Variants in TANGO6 observed in about 807,000 individuals in gnomAD.
The protein encoded by TANGO6 is transport and Golgi organization protein 6 homolog.
A neutral mutation model predicts 114.2 loss-of-function variants in TANGO6; 90 were observed. The ratio of observed to expected loss-of-function variants is 0.79; its 90% CI spans 0.66 to 0.94. TANGO6 has a LOEUF of 0.94. Ranked by LOEUF, TANGO6 falls within the 40% of genes least tolerant of loss-of-function variation. TANGO6 has a pLI of 0.00. For synonymous variants in TANGO6, 477 were observed against 509.8 expected (o/e 0.94, Z 0.87); for missense variants, 1,274 against 1,315.3 (o/e 0.97, Z 0.49).
intron 1 of TANGO6, among the ~76,000 whole-genome samples, chr16:68,856,911 C>A (rs1039235500): frequency 6.6e-6 from 1 of 152,118 alleles, no homozygotes; most frequent in African/African-American, 2.4e-5. Flanking sequence ...AGATCGAGAC[C>A]GTCCTGGCTA....
In TANGO6 at chr16:68,943,471, C is replaced by G. The variant is rs571117772; in HGVS notation, c.2701+13176C>G. ...CTCCGCCTCCTGGGTTCACACCATT[C>G]TCCTGCCTCAGCCTCCCGAGTAGCT... On this transcript the variant is annotated intron_variant, in intron 14 of 17. Coordinates refer to ENST00000261778, the MANE Select transcript of TANGO6 (RefSeq NM_024562.2). Among the ~76,000 whole-genome samples, 16 of 151,426 alleles carry G rather than the reference C, an allele frequency of 1.1e-4. 1 individual carries two copies. The South Asian group carries it at 3.3e-3, about 32-fold the overall frequency.
chr16:68,902,859 G>T (rs902808461), intron 9 of TANGO6, among the ~76,000 whole-genome samples: 15 of 152,176 alleles, frequency 9.9e-5, no homozygotes, highest in African/African-American at 3.6e-4. Flanking sequence ...TGGTATATGT[G>T]TGTGTTTATA....
intron 3 of TANGO6, among the ~76,000 whole-genome samples, chr16:68,864,670 A>G (rs1160385566): frequency 2.0e-5 from 3 of 152,174 alleles, no homozygotes; most frequent in African/African-American, 7.2e-5. Context: ...CTACAGAGAT[A>G]TCTCCTAATT....
At chr16:68,907,038 A>T (rs762225570) in intron 9 of TANGO6, among the ~76,000 whole-genome samples, 81 of 143,450 alleles carry the variant, frequency 5.6e-4, no homozygotes, top group Non-Finnish European at 9.5e-4. Flanking sequence ...CAGGTGATCC[A>T]CCCGCCTCGG....
rs28479606 is a variant in TANGO6 at position 68,913,479 on chromosome 16, G to A, written c.1992+4077G>A. On this transcript the variant is annotated intron_variant, in intron 11 of 17. Coordinates refer to ENST00000261778, the MANE Select transcript of TANGO6 (RefSeq NM_024562.2). ...GCTGGAGTGCAGCAGCGCAATCTCG[G>A]CTTACTGCAACCTCTGCCTCCCGGG... 4.0e-3 allele frequency among the ~76,000 whole-genome samples: 599 copies of A among 148,944 alleles called. 6 individuals are homozygous for A. Among genetic ancestry groups the A allele is most frequent in the African/African-American group, 0.014 (569 of 40,364 alleles).
rs952170937 is a variant in TANGO6, at chr16:68,906,409, G to A, written c.1668-1034G>A. 4.6e-5 allele frequency among the ~76,000 whole-genome samples: 7 copies of A among 152,256 alleles called. No individual in the cohort carries two copies. The East Asian group carries it at 1.4e-3, about 29-fold the overall frequency. On this transcript the variant is annotated intron_variant, in intron 9 of 17. Coordinates refer to ENST00000261778, the MANE Select transcript of TANGO6 (RefSeq NM_024562.2). ...CCCTTCAGTGGCTCATCAGAAAAAAGTCAAAGTTCCTTTGAATGACATCCA... is the reference window on the plus strand; with the variant it reads ...CCCTTCAGTGGCTCATCAGAAAAAAATCAAAGTTCCTTTGAATGACATCCA...
chr16:68,966,794 G>A (rs1216799679), intron 14 of TANGO6, among the ~76,000 whole-genome samples: 1 of 138,372 alleles, frequency 7.2e-6, no homozygotes, highest in Non-Finnish European at 1.5e-5. Context: ...TTTTTTTTGA[G>A]ACAGTCTCGC....
intron 14 of TANGO6, among the ~76,000 whole-genome samples, chr16:68,933,486 C>T (rs1374449587): frequency 2.0e-5 from 3 of 152,200 alleles, no homozygotes; most frequent in Admixed American, 6.5e-5. Flanking sequence ...TTATCACTCA[C>T]GCATCTGTAG....
chr16:69,056,997 C>CTTTT (rs71148961), intron 17 of TANGO6, among the ~76,000 whole-genome samples: 26 of 59,858 alleles, frequency 4.3e-4, no homozygotes, highest in South Asian at 7.3e-4. Flanking sequence ...GCCTGATTTT[C>CTTTT]TTTTTTTTTT....
chr16:68,873,421 G>A (rs1471582269), intron 4 of TANGO6, among the ~76,000 whole-genome samples: 4 of 152,006 alleles, frequency 2.6e-5, no homozygotes, highest in Non-Finnish European at 5.9e-5. Flanking sequence ...TCAAGCGATT[G>A]TCCTGCCTCA....
intron 17 of TANGO6, among the ~76,000 whole-genome samples, chr16:69,055,907 T>C (rs1331575000): frequency 1.3e-5 from 2 of 151,956 alleles, no homozygotes; most frequent in Non-Finnish European, 2.9e-5. Flanking sequence ...GGAGTGGTGG[T>C]GGGCGTCTGT....
At chr16:68,978,680 C>T (rs567462726) in intron 15 of TANGO6, among the ~76,000 whole-genome samples, 11 of 152,180 alleles carry the variant, frequency 7.2e-5, no homozygotes, top group African/African-American at 2.6e-4. Context: ...TCAGCCTAGG[C>T]CTTGCTCTCT....
intron 14 of TANGO6, among the ~76,000 whole-genome samples, chr16:68,959,403 A>G (rs1474996888): frequency 9.2e-5 from 14 of 152,048 alleles, no homozygotes; most frequent in Admixed American, 7.9e-4. Context: ...CCTGACCAAC[A>G]TGGTGAAACC....
rs145435532 is a variant in TANGO6, at chr16:68,961,397, G to A, written c.2702-12631G>A. ...CATCTTGGGCCATATTTTCACCTCC[G>A]TTCCTCAACTCTTTGTGCCTCAGCT... is the stretch of plus-strand genomic sequence containing the variant. On this transcript the variant is annotated intron_variant, in intron 14 of 17. Transcript: ENST00000261778. 2.0e-3 allele frequency among the ~76,000 whole-genome samples: 305 copies of A among 152,260 alleles called. 1 individual carries two copies. Among genetic ancestry groups the A allele is most frequent in the African/African-American group, 6.4e-3 (266 of 41,550 alleles).
rs953258372 is a variant in TANGO6, at chr16:69,048,288, G to A, written c.3108+7867G>A. ...TTTTTTTTTTTTTTTTTTTTGTAGA[G>A]GTGGGGTTTCGCCATGTTGGCCAGG... On this transcript the variant is annotated intron_variant, in intron 17 of 17. Coordinates refer to ENST00000261778, the MANE Select transcript of TANGO6 (RefSeq NM_024562.2). Among the ~76,000 whole-genome samples, 9 of 134,492 alleles carry A rather than the reference G, an allele frequency of 6.7e-5. 1 individual carries two copies. Among genetic ancestry groups the A allele is most frequent in the Non-Finnish European group, 1.1e-4 (7 of 64,290 alleles). 88.2% of individuals were successfully genotyped at this position (134,492 alleles called of 152,430 possible).
chr16:68,884,149 A>G (rs1361559929), intron 7 of TANGO6, among the ~76,000 whole-genome samples: 1 of 152,080 alleles, frequency 6.6e-6, no homozygotes, highest in East Asian at 1.9e-4. Context: ...ACCTCAAGCA[A>G]TCCCCCTGCC....
chr16:68,941,681 A>G (rs1893167032), intron 14 of TANGO6, among the ~76,000 whole-genome samples: 1 of 151,814 alleles, frequency 6.6e-6, no homozygotes. Context: ...GGGAGGTGGA[A>G]GCGTCAGTGA....
chr16:69,003,837 A>G (rs1459813587), intron 15 of TANGO6, among the ~76,000 whole-genome samples: 1 of 151,992 alleles, frequency 6.6e-6, no homozygotes, highest in African/African-American at 2.4e-5. Context: ...ATCCTTTCTC[A>G]CATAAAATTT....
intron 14 of TANGO6, among the ~76,000 whole-genome samples, chr16:68,967,205 G>A (rs766450045): frequency 7.2e-5 from 11 of 152,170 alleles, no homozygotes; most frequent in Non-Finnish European, 1.0e-4. Flanking sequence ...TTCCATGGAC[G>A]GGACGGTGTT....
Sources: allele counts gnomAD v4.1 joint callset (sites outside exome capture counted in the v4.1 genomes callset), GRCh38; gene constraint gnomAD v4.1.1; transcripts MANE v1.5; gene names NCBI Gene and HGNC (gene_info 2026-07-23, HGNC 2026-07-21).